The following PCLO variants were observed in gnomAD, a reference collection of about 807,000 sequenced individuals.
The protein encoded by PCLO is piccolo presynaptic cytomatrix protein.
In PCLO, 82 loss-of-function variants were observed where a neutral mutation model predicts 427.5. The observed-to-expected ratio is 0.19, with a 90% confidence interval of 0.16 to 0.23. The LOEUF is 0.23. PCLO is among the 10% of genes least tolerant of loss of function. The pLI is 1.00. For missense variants in PCLO, 6,239 were observed against 6,115.9 expected (o/e 1.02, Z -0.67); for synonymous variants, 2,357 against 2,155.4 (o/e 1.09, Z -2.59).
intron 6 of PCLO, among the ~76,000 whole-genome samples, chr7:82,944,207 C>T (rs1034780): frequency 0.62 from 90,320 of 145,888 alleles, 29,090 homozygotes; most frequent in East Asian, 0.81. Flanking sequence ...AGGATGAATA[C>T]GGTTTTGTTA....
chr7:82,826,699 T>C (rs201214922), intron 17 of PCLO, 39 bp from the exon 18 acceptor site: 1 of 1,319,806 alleles, frequency 7.6e-7, no homozygotes. Context: ...AACCTATCTT[T>C]CCATCATACA....
intron 22 of PCLO, among the ~76,000 whole-genome samples, chr7:82,777,393 GA>G (rs927519560): frequency 4.0e-5 from 6 of 151,638 alleles, no homozygotes; most frequent in African/African-American, 7.3e-5. Flanking sequence ...CAGAGAACTA[GA>G]AAAAAATATT....
chr7:82,908,296 T>G (rs2116227072), intron 8 of PCLO, among the ~76,000 whole-genome samples: 1 of 152,240 alleles, frequency 6.6e-6, no homozygotes, highest in East Asian at 1.9e-4. Context: ...AATTTACCTC[T>G]AAGTTTCAAT....
At chr7:82,772,884 C>T (rs558266496) in intron 22 of PCLO, among the ~76,000 whole-genome samples, 1 of 152,214 alleles carries the variant, frequency 6.6e-6, no homozygotes, top group African/African-American at 2.4e-5. Context: ...AAATGTTTCA[C>T]TATTACAGAG....
At chr7:83,015,303 G>A (rs1228106941) in intron 3 of PCLO, among the ~76,000 whole-genome samples, 3 of 151,612 alleles carry the variant, frequency 2.0e-5, no homozygotes, top group Non-Finnish European at 4.4e-5. Flanking sequence ...CAAATTTCTG[G>A]GCTTTTAATG....
At chr7:83,100,097 A>C (rs1033823673) in intron 3 of PCLO, among the ~76,000 whole-genome samples, 3 of 152,202 alleles carry the variant, frequency 2.0e-5, no homozygotes, top group African/African-American at 7.2e-5. Flanking sequence ...ATCTATCCAA[A>C]AACTGTGTCA....
intron 10 of PCLO, among the ~76,000 whole-genome samples, chr7:82,867,404 T>C (rs1468789003): frequency 1.3e-5 from 2 of 152,184 alleles, no homozygotes; most frequent in African/African-American, 4.8e-5. Context: ...CTAAAAGTTT[T>C]AAAAAATCCA....
intron 8 of PCLO, among the ~76,000 whole-genome samples, chr7:82,907,295 G>A (rs1471280417): frequency 6.6e-6 from 1 of 151,878 alleles, no homozygotes; most frequent in African/African-American, 2.4e-5. Flanking sequence ...TTTTGTTAAA[G>A]TATCTGTGTT....
At chr7:83,064,688 T>C (rs1008365024) in intron 3 of PCLO, among the ~76,000 whole-genome samples, 1 of 152,028 alleles carries the variant, frequency 6.6e-6, no homozygotes, top group Non-Finnish European at 1.5e-5. Context: ...AGACCACCTA[T>C]TAATGTGTCT....
intron 11 of PCLO, 133 bp from the exon 12 acceptor site, chr7:82,846,767 T>C: frequency 1.6e-6 from 1 of 609,902 alleles, no homozygotes; most frequent in South Asian, 2.1e-5. Flanking sequence ...CTCCAAAGCA[T>C]GCCTACCATC....
chr7:83,147,068 TAA>T (rs554249133), intron 2 of PCLO, among the ~76,000 whole-genome samples: 7 of 132,076 alleles, frequency 5.3e-5, no homozygotes, highest in African/African-American at 1.1e-4. Flanking sequence ...AAAAAAAAAA[TAA>T]AAAAAAAAAA....
intron 3 of PCLO, among the ~76,000 whole-genome samples, chr7:83,116,091 T>C (rs1275858414): frequency 6.6e-6 from 1 of 151,970 alleles, no homozygotes; most frequent in Non-Finnish European, 1.5e-5. Flanking sequence ...TCTCCAATAG[T>C]AAGATAGATC....
Position 82,758,629 on chromosome 7 carries a change from T to C in PCLO, c.15375A>G (p.Arg5125=), listed in dbSNP as rs2129467453. 1.2e-6 allele frequency: 2 copies of C among 1,612,056 alleles called. No individual in the cohort carries two copies. Among genetic ancestry groups the C allele is most frequent in the Non-Finnish European group, 1.7e-6 (2 of 1,178,508 alleles). Residue 5125 remains arginine (R), a synonymous_variant, in exon 25 of 25, where the codon AGA becomes AGG. Transcript: ENST00000333891. ...GTTTGTGCCAGTTGACTATTCTTTT[T>C]CTGAGATCCACTTTGTCAAGCCAGA... ...ACIWLDKVDL[R]KRIVNWHKLL...
intron 5 of PCLO, 42 bp downstream of exon 5, chr7:82,951,814 A>C: frequency 6.4e-7 from 1 of 1,567,918 alleles, no homozygotes; most frequent in Admixed American, 1.8e-5. Context: ...GGAACACCAT[A>C]ATGATATTTC....
At chr7:83,049,580 G>C (rs899462154) in intron 3 of PCLO, among the ~76,000 whole-genome samples, 6 of 152,094 alleles carry the variant, frequency 3.9e-5, no homozygotes, top group Non-Finnish European at 8.8e-5. Context: ...TGACAGCAAG[G>C]GTCTAGGGTC....
chr7:82,923,220 G>C (rs1229372575), intron 6 of PCLO, among the ~76,000 whole-genome samples: 2 of 151,896 alleles, frequency 1.3e-5, no homozygotes, highest in African/African-American at 4.8e-5. Context: ...TATTTAAACA[G>C]GAGAATGCAT....
At chr7:82,949,150 TATAAGA>T (rs1446790433) in intron 6 of PCLO, among the ~76,000 whole-genome samples, 4 of 152,198 alleles carry the variant, frequency 2.6e-5, no homozygotes, top group African/African-American at 4.8e-5. Context: ...GAGATTTCGA[TATAAGA>T]ATAAGACTTT....
chr7:83,081,364 T>C (rs1790095384), intron 3 of PCLO, among the ~76,000 whole-genome samples: 2 of 151,976 alleles, frequency 1.3e-5, no homozygotes, highest in South Asian at 2.1e-4. Context: ...AATGTAAAGA[T>C]GAACTTAATG....
chr7:83,011,457 C>T (rs1044397610), intron 3 of PCLO, among the ~76,000 whole-genome samples: 13 of 151,966 alleles, frequency 8.6e-5, no homozygotes, highest in Non-Finnish European at 7.4e-5. Context: ...GCACATTCTG[C>T]TAAGACAAAA....
Sources: allele counts gnomAD v4.1 joint callset (sites outside exome capture counted in the v4.1 genomes callset), GRCh38; gene constraint gnomAD v4.1.1; transcripts MANE v1.5; gene names NCBI Gene and HGNC (gene_info 2026-07-23, HGNC 2026-07-21).